Variants in CLASP1 observed in about 807,000 individuals in gnomAD.
CLASP1 encodes the protein cytoplasmic linker associated protein 1.
A neutral mutation model predicts 192.3 loss-of-function variants in CLASP1; 38 were observed. That is an observed-to-expected ratio of 0.20 (90% CI 0.15 to 0.26). The LOEUF (loss-of-function observed/expected upper bound fraction) is 0.26, where lower values mean the gene tolerates loss of function less well. CLASP1 is among the 10% of genes least tolerant of loss of function. The probability of loss-of-function intolerance (pLI) is 1.00; values close to 1 mark genes in which losing one functional copy is unlikely to be tolerated. For missense variants in CLASP1, 1,433 were observed against 1,932.5 expected (o/e 0.74, Z 4.85); for synonymous variants, 691 against 712.8 (o/e 0.97, Z 0.49).
At chr2:121,578,915 C>T (rs950952891) in intron 2 of CLASP1, among the ~76,000 whole-genome samples, 1 of 152,116 alleles carries the variant, frequency 6.6e-6, no homozygotes, top group Non-Finnish European at 1.5e-5. Flanking sequence ...CCCTCTTCCT[C>T]CATATAAATA....
At chr2:121,345,885 G>A (rs2063394387) in intron 39 of CLASP1, among the ~76,000 whole-genome samples, 1 of 152,198 alleles carries the variant, frequency 6.6e-6, no homozygotes, top group Non-Finnish European at 1.5e-5. Context: ...ATAGACGGTG[G>A]TGGTCAGAGA....
intron 28 of CLASP1, among the ~76,000 whole-genome samples, chr2:121,400,479 G>A (rs2075997388): frequency 6.6e-6 from 1 of 152,178 alleles, no homozygotes; most frequent in South Asian, 2.1e-4. Flanking sequence ...GCTAGTCAAG[G>A]GAGCCAGAGA....
At chr2:121,411,722 A>G (rs2077734087) in intron 23 of CLASP1, among the ~76,000 whole-genome samples, 2 of 152,320 alleles carry the variant, frequency 1.3e-5, no homozygotes, top group African/African-American at 4.8e-5. Context: ...TTTTAAGCTT[A>G]CTTGTGATCA....
rs140281748 is a variant in CLASP1, at chr2:121,465,013, C to T, written c.866-2408G>A. ...CTCAATAAATTAGGTATTGATGGGACGTATCTCAAAATCATAAGAGCTATC... is the reference window on the plus strand; with the variant it reads ...CTCAATAAATTAGGTATTGATGGGATGTATCTCAAAATCATAAGAGCTATC... On this transcript the variant is annotated intron_variant, in intron 9 of 39. Transcript: ENST00000263710. 2.5e-3 allele frequency among the ~76,000 whole-genome samples: 381 copies of T among 152,204 alleles called. 3 individuals carry two copies. The highest frequency in any genetic ancestry group is 8.6e-3 in the African/African-American group (358 of 41,528).
intron 5 of CLASP1, 92 bp downstream of exon 5, chr2:121,527,707 T>C: frequency 9.8e-7 from 1 of 1,015,754 alleles, no homozygotes; most frequent in Non-Finnish European, 1.5e-6. Context: ...ACTACACTTC[T>C]TTGCAACTTC....
chr2:121,474,625 A>G (rs762789922), intron 8 of CLASP1, among the ~76,000 whole-genome samples: 1 of 152,106 alleles, frequency 6.6e-6, no homozygotes, highest in South Asian at 2.1e-4. Flanking sequence ...AGTCGCAGCT[A>G]CTCGGGAGGC....
intron 2 of CLASP1, among the ~76,000 whole-genome samples, chr2:121,578,309 C>A (rs1330032549): frequency 2.0e-5 from 3 of 151,564 alleles, no homozygotes; most frequent in Non-Finnish European, 4.4e-5. Flanking sequence ...GCAGTCCCAG[C>A]TACTCAGGAA....
chr2:121,478,687 C>G (rs1242286431), intron 8 of CLASP1, among the ~76,000 whole-genome samples: 1 of 77,846 alleles, frequency 1.3e-5, no homozygotes, highest in East Asian at 4.5e-4. Flanking sequence ...CACACACACC[C>G]CACACACACA....
At chr2:121,412,619 C>A (rs188300448) in intron 23 of CLASP1, among the ~76,000 whole-genome samples, 50 of 151,966 alleles carry the variant, frequency 3.3e-4, no homozygotes, top group Non-Finnish European at 4.9e-4. Context: ...AAATCTCATG[C>A]CAGCAATTCT....
At chr2:121,536,191 C>T (rs1384439076) in intron 2 of CLASP1, among the ~76,000 whole-genome samples, 2 of 150,672 alleles carry the variant, frequency 1.3e-5, no homozygotes, top group East Asian at 4.1e-4. Flanking sequence ...ACCATCCTGG[C>T]TAACACAGTG....
intron 3 of CLASP1, 132 bp from the exon 4 acceptor site, chr2:121,528,912 A>G (rs905064198): frequency 2.8e-6 from 2 of 715,460 alleles, no homozygotes; most frequent in Admixed American, 2.2e-5. Flanking sequence ...AAAACCACTC[A>G]TCTTTGCTCA....
At chr2:121,649,408 G>A (rs2073796550) in exon 1 of CLASP1, 1 of 149,636 alleles carries the variant, frequency 6.7e-6, no homozygotes, top group African/African-American at 2.5e-5. Flanking sequence ...CTGCGGACCA[G>A]AGAGCCGCCG....
intron 2 of CLASP1, among the ~76,000 whole-genome samples, chr2:121,573,813 A>G (rs2060201355): frequency 6.6e-6 from 1 of 152,192 alleles, no homozygotes; most frequent in Non-Finnish European, 1.5e-5. Context: ...GATTACCTCA[A>G]CTTTAAAAGG....
At chr2:121,503,342 T>C (rs2150252861) in intron 7 of CLASP1, 108 bp from the exon 8 acceptor site, 2 of 668,972 alleles carry the variant, frequency 3.0e-6, no homozygotes, top group Admixed American at 5.0e-5. Flanking sequence ...AAAAAAACAA[T>C]GGTACAGACC....
Position 121,640,556 on chromosome 2 carries a change from G to A in CLASP1, c.-286+8816C>T, listed in dbSNP as rs77863395. ...TGATCTAATCCTCGTGGAAACCCTA[G>A]TGGGAAGTCTGCATCTCTACATCCC... On this transcript the variant is annotated intron_variant, in intron 1 of 39. Coordinates refer to ENST00000263710, the Ensembl canonical transcript of CLASP1. 1.6e-4 allele frequency among the ~76,000 whole-genome samples: 24 copies of A among 152,278 alleles called. No homozygotes were observed. In the East Asian group the frequency reaches 3.1e-3, roughly 20 times the overall value.
At chr2:121,646,301 C>G (rs960642000) in intron 1 of CLASP1, among the ~76,000 whole-genome samples, 8 of 152,126 alleles carry the variant, frequency 5.3e-5, no homozygotes, top group African/African-American at 1.2e-4. Context: ...TCTGTAGAGA[C>G]ACAGGGTTTC....
chr2:121,427,978 T>C (rs914266665), intron 20 of CLASP1, among the ~76,000 whole-genome samples: 2 of 152,226 alleles, frequency 1.3e-5, no homozygotes, highest in African/African-American at 2.4e-5. Flanking sequence ...TTACCACTTA[T>C]TAAAATAATT....
intron 2 of CLASP1, among the ~76,000 whole-genome samples, chr2:121,553,485 T>A (rs966795778): frequency 6.6e-6 from 1 of 150,506 alleles, no homozygotes; most frequent in African/African-American, 2.4e-5. Flanking sequence ...GGGAGGATCA[T>A]GAGGTCAGGA....
exon 40 of CLASP1, chr2:121,339,625 TGAG>T (rs2062619450): frequency 6.6e-6 from 1 of 152,218 alleles, no homozygotes; most frequent in African/African-American, 2.4e-5. Flanking sequence ...AGTGGTTCGC[TGAG>T]GAGGAAGAGA....
Sources: gnomAD v4.1 joint callset for allele counts (sites outside exome capture counted in the v4.1 genomes callset) on GRCh38, gnomAD v4.1.1 for gene constraint, MANE v1.5 for transcripts, NCBI Gene and HGNC (gene_info 2026-07-23, HGNC 2026-07-21) for gene names.